PUDP: variants seen among roughly 807,000 people sequenced by gnomAD.
PUDP encodes the protein pseudouridine-5'-phosphatase.
In PUDP, 8 loss-of-function variants were observed where a neutral mutation model predicts 9.4. The observed-to-expected ratio is 0.85, with a 90% CI of 0.50 to 1.53. The LOEUF (loss-of-function observed/expected upper bound fraction) is 1.53, where lower values mean the gene tolerates loss of function less well. Ranked by LOEUF, PUDP falls within the 40% of genes most tolerant of loss-of-function variation. The pLI, the probability that PUDP is intolerant of heterozygous loss-of-function variation, is 0.00. For missense variants in PUDP, 188 were observed against 189.7 expected (o/e 0.99, Z 0.05); for synonymous variants, 99 against 80.7 (o/e 1.23, Z -1.22).
chrX:6,726,069 TG>T (rs995742608), upstream of PUDP, among the ~76,000 whole-genome samples: 1 of 111,946 alleles, frequency 8.9e-6, no homozygotes, highest in Non-Finnish European at 1.9e-5. Flanking sequence ...TTTCAGAGGA[TG>T]GTTTATCTCT....
chrX:7,125,479 C>T (rs1295687125), intron 1 of PUDP, among the ~76,000 whole-genome samples: 1 of 111,246 alleles, frequency 9.0e-6, no homozygotes, highest in Non-Finnish European at 1.9e-5. Context: ...TTAATGAAAA[C>T]CAGCAACTGT....
intron 3 of PUDP, among the ~76,000 whole-genome samples, chrX:6,838,860 A>C (rs1231222802): frequency 8.9e-6 from 1 of 112,091 alleles, no homozygotes; most frequent in African/African-American, 3.2e-5. Context: ...TTGAACTTGA[A>C]AGTGACTGTG....
intron 1 of PUDP, among the ~76,000 whole-genome samples, chrX:6,979,359 T>A (rs1474863906): frequency 8.9e-6 from 1 of 111,882 alleles, no homozygotes; most frequent in Non-Finnish European, 1.9e-5. Flanking sequence ...ATACTCTCCA[T>A]GAACATACTG....
intron 3 of PUDP, among the ~76,000 whole-genome samples, chrX:7,062,141 T>C (rs1225746028): frequency 8.9e-6 from 1 of 112,171 alleles, no homozygotes; most frequent in Non-Finnish European, 1.9e-5. Context: ...GTTAGACATA[T>C]TTTTAGGAAA....
At chrX:6,768,712 A>C (rs1263247123) in intron 3 of PUDP, among the ~76,000 whole-genome samples, 2 of 112,343 alleles carry the variant, frequency 1.8e-5, no homozygotes, top group African/African-American at 6.5e-5. Flanking sequence ...AGATTGCTGG[A>C]GTTATTTTAA....
At chrX:6,809,393 G>A (rs750189230) in intron 3 of PUDP, among the ~76,000 whole-genome samples, 32 of 109,386 alleles carry the variant, frequency 2.9e-4, no homozygotes, top group Non-Finnish European at 5.1e-4. Context: ...AAACTCCTAT[G>A]CTCAAGGGAG....
At chrX:7,002,397 C>T (rs191609791) in intron 1 of PUDP, among the ~76,000 whole-genome samples, 2 of 111,944 alleles carry the variant, frequency 1.8e-5, no homozygotes, top group African/African-American at 6.5e-5. Flanking sequence ...CTAAAACTTG[C>T]TTCAAGACTG....
At chrX:6,794,214 C>A (rs980612108) in intron 3 of PUDP, among the ~76,000 whole-genome samples, 1 of 112,384 alleles carries the variant, frequency 8.9e-6, no homozygotes, top group Non-Finnish European at 1.9e-5. Flanking sequence ...ATGTGATAAC[C>A]TACAACACAC....
intron 3 of PUDP, among the ~76,000 whole-genome samples, chrX:6,941,592 G>A (rs1226440615): frequency 9.0e-6 from 1 of 110,877 alleles, no homozygotes; most frequent in African/African-American, 3.3e-5. Context: ...GCCTCCCAAA[G>A]TGCTGGGATT....
intron 3 of PUDP, among the ~76,000 whole-genome samples, chrX:6,753,209 G>T (rs746080195): frequency 8.9e-6 from 1 of 111,742 alleles, no homozygotes; most frequent in Admixed American, 9.5e-5. Flanking sequence ...CCACTTATGA[G>T]TGAGAACATA....
chrX:7,016,662 A>T (rs754456031), intron 1 of PUDP, among the ~76,000 whole-genome samples: 1 of 111,191 alleles, frequency 9.0e-6, no homozygotes, highest in Admixed American at 9.6e-5. Flanking sequence ...GGAGGCCAGG[A>T]TGCTGTGATT....
At chrX:7,004,949 C>A (rs918591692) in intron 1 of PUDP, among the ~76,000 whole-genome samples, 3 of 112,322 alleles carry the variant, frequency 2.7e-5, no homozygotes, top group Admixed American at 9.4e-5. Context: ...ATTCCAGTAT[C>A]TTCCCTAAAG....
Position 6,729,970 on chromosome X carries a change from C to A in PUDP, c.*248-23504G>T, listed in dbSNP as rs930819688. ...TGCATCAGGAATAAAGGCTTTCATG[C>A]CCCTTAGTTCAGGTGTGCTCTCATG... On this transcript the variant is annotated intron_variant and NMD_transcript_variant, in intron 3 of 3. Coordinates refer to the PUDP transcript ENST00000655425. 4.5e-5 allele frequency among the ~76,000 whole-genome samples: 5 copies of A among 112,215 alleles called. No individual in the cohort carries two copies. In the South Asian group the frequency reaches 1.5e-3, roughly 33 times the overall value.
At chrX:6,740,971 C>T (rs1320391219) in intron 3 of PUDP, among the ~76,000 whole-genome samples, 4 of 110,967 alleles carry the variant, frequency 3.6e-5, no homozygotes, top group African/African-American at 9.9e-5. Context: ...CCAACCTGGC[C>T]AACATGGTGA....
intron 1 of PUDP, among the ~76,000 whole-genome samples, chrX:7,107,824 G>T (rs1490499165): frequency 8.9e-6 from 1 of 112,291 alleles, no homozygotes; most frequent in East Asian, 2.8e-4. Flanking sequence ...GCGAAATTAT[G>T]TCTTCAAAAA....
At position 6,930,744 on chromosome X, in the gene PUDP, T is replaced by G. The variant is rs770725757; in HGVS notation, c.*247+46389A>C. 4.5e-5 allele frequency among the ~76,000 whole-genome samples: 5 copies of G among 111,203 alleles called. No individual in the cohort carries two copies. The East Asian group carries it at 1.4e-3, about 32-fold the overall frequency. On this transcript the variant is annotated intron_variant and NMD_transcript_variant, in intron 3 of 3. Coordinates refer to the PUDP transcript ENST00000655425. ...CAGACTCACCCCCAGTTCTTTCTCGTGTGAGATTTAAGAACCTTCTCTTGG... is the reference window on the plus strand; with the variant it reads ...CAGACTCACCCCCAGTTCTTTCTCGGGTGAGATTTAAGAACCTTCTCTTGG...
chrX:6,976,786 A>T, intron 3 of PUDP, among the ~76,000 whole-genome samples: 1 of 112,133 alleles, frequency 8.9e-6, no homozygotes, highest in Admixed American at 9.4e-5. Context: ...ACCTCTGGTC[A>T]TTTGGAGACT....
At chrX:6,870,438 G>A (rs149938212) in intron 3 of PUDP, among the ~76,000 whole-genome samples, 2,259 of 111,511 alleles carry the variant, frequency 0.02, 60 homozygotes, top group African/African-American at 0.07. Context: ...ATTTTATAAG[G>A]GGGAGTTCCC....
intron 3 of PUDP, among the ~76,000 whole-genome samples, chrX:6,857,257 A>G (rs1228432446): frequency 8.8e-6 from 1 of 113,076 alleles, no homozygotes; most frequent in Non-Finnish European, 1.9e-5. Flanking sequence ...CCACAGAATA[A>G]TCAGAATATA....
Sources: gnomAD v4.1 joint callset for allele counts (sites outside exome capture counted in the v4.1 genomes callset) on GRCh38, gnomAD v4.1.1 for gene constraint, MANE v1.5 for transcripts, NCBI Gene and HGNC (gene_info 2026-07-23, HGNC 2026-07-21) for gene names.